Variants in ALKBH3 observed in about 807,000 individuals in gnomAD.
ALKBH3 encodes the protein alkB homolog 3, alpha-ketoglutarate dependent dioxygenase, also known as alpha-ketoglutarate-dependent dioxygenase alkB homolog 3.
Under a neutral mutation model 43.9 loss-of-function variants are expected in ALKBH3, and 51 were observed. The ratio of observed to expected loss-of-function variants is 1.16; its 90% CI spans 0.93 to 1.47. The LOEUF (loss-of-function observed/expected upper bound fraction) is 1.47. ALKBH3 is among the 40% of genes most tolerant of loss of function. ALKBH3 has a pLI of 0.00. For missense variants in ALKBH3, 361 were observed against 351.9 expected (o/e 1.03, Z -0.21); for synonymous variants, 102 against 115.2 (o/e 0.89, Z 0.73).
At position 43,919,137 on chromosome 11, in the gene ALKBH3, G is replaced by A. The variant is rs779801697; in HGVS notation, c.768+1G>A. 1.2e-6 allele frequency: 2 copies of A among 1,607,760 alleles called. No homozygotes were observed. The highest frequency in any genetic ancestry group is 8.5e-7 in the Non-Finnish European group (1 of 1,174,400). On this transcript the variant is annotated splice_donor_variant, in intron 9 of 9. Coordinates refer to ENST00000302708, the MANE Select transcript of ALKBH3 (RefSeq NM_139178.4). LOFTEE classifies it high-confidence loss of function. ...AGGAGCGACACAAGCTGACTGGCAG[G>A]TGAGGATCTGCAAGTAATATGAATC... is the stretch of plus-strand genomic sequence containing the variant.
At chr11:43,885,136 G>A (rs1351159800) in intron 4 of ALKBH3, among the ~76,000 whole-genome samples, 1 of 152,138 alleles carries the variant, frequency 6.6e-6, no homozygotes, top group African/African-American at 2.4e-5. Context: ...CATGTTGTAA[G>A]CTACAGATGT....
intron 4 of ALKBH3, among the ~76,000 whole-genome samples, chr11:43,885,978 T>C (rs1951743700): frequency 6.6e-6 from 1 of 152,114 alleles, no homozygotes; most frequent in African/African-American, 2.4e-5. Context: ...TGGATTGGAT[T>C]GGGGATGCCG....
rs139948629 is a variant in ALKBH3 at position 43,906,745 on chromosome 11, A to G, written c.669+5020A>G. ...TAAGTAATAAAAAGAAATACTTGAAATCAATTGTTGATAGCCATGATCATT... is the reference window on the plus strand; with the variant it reads ...TAAGTAATAAAAAGAAATACTTGAAGTCAATTGTTGATAGCCATGATCATT... On this transcript the variant is annotated intron_variant, in intron 8 of 9. Coordinates refer to ENST00000302708, the MANE Select transcript of ALKBH3 (RefSeq NM_139178.4). 8.3e-3 allele frequency among the ~76,000 whole-genome samples: 1,266 copies of G among 152,330 alleles called. 10 individuals are homozygous for G. The highest frequency in any genetic ancestry group is 0.034 in the South Asian group (164 of 4,828).
intron 8 of ALKBH3, among the ~76,000 whole-genome samples, chr11:43,908,385 C>G (rs1481286563): frequency 6.6e-6 from 1 of 152,150 alleles, no homozygotes; most frequent in Non-Finnish European, 1.5e-5. Flanking sequence ...AATGAGTGTT[C>G]TGGTATTAAC....
At chr11:43,898,912 C>CAG (rs1346182689) in intron 7 of ALKBH3, 1 of 749,496 alleles carries the variant, frequency 1.3e-6, no homozygotes, top group Non-Finnish European at 2.5e-6. Flanking sequence ...TGCAAAGTGC[C>CAG]AGAGGGTGGA....
chr11:43,904,059 G>A, intron 8 of ALKBH3, among the ~76,000 whole-genome samples: 1 of 152,148 alleles, frequency 6.6e-6, no homozygotes, highest in East Asian at 1.9e-4. Flanking sequence ...TTGGAACAGC[G>A]CTTTATCCTG....
At chr11:43,902,450 C>G (rs368472237) in intron 8 of ALKBH3, among the ~76,000 whole-genome samples, 2 of 152,322 alleles carry the variant, frequency 1.3e-5, no homozygotes, top group African/African-American at 4.8e-5. Context: ...TCCCTTACGA[C>G]TAAGAAAGAT....
At chr11:43,885,376 C>G (rs960476875) in intron 4 of ALKBH3, among the ~76,000 whole-genome samples, 2 of 152,170 alleles carry the variant, frequency 1.3e-5, no homozygotes, top group Non-Finnish European at 2.9e-5. Flanking sequence ...ACATTATAGA[C>G]GATGCATGTA....
chr11:43,884,624 A>G (rs1951735292), intron 4 of ALKBH3, among the ~76,000 whole-genome samples: 1 of 152,140 alleles, frequency 6.6e-6, no homozygotes, highest in South Asian at 2.1e-4. Flanking sequence ...CTATTCTTTT[A>G]TCTTAGCAAA....
chr11:43,920,124 G>A lies in ALKBH3; in HGVS notation c.*114G>A, dbSNP rs1952015416. On this transcript the variant is annotated 3_prime_UTR_variant, in exon 10 of 10. Coordinates refer to ENST00000302708, the MANE Select transcript of ALKBH3 (RefSeq NM_139178.4). ...ATGATGTGGCTGTTGGGAAGATGGT[G>A]GGGTTTGTTTGCCAGCTTGGAGTCC... The A allele has an allele frequency of 9.6e-7, 1 of 1,045,874 alleles. No homozygotes were observed. Among genetic ancestry groups the A allele is most frequent in the Non-Finnish European group, 1.4e-6 (1 of 704,750 alleles). The allele number at this position is 1,045,874 out of a possible 1,614,324, so 64.8% of individuals were successfully genotyped here.
At chr11:43,909,835 G>A (rs1192524328) in intron 8 of ALKBH3, 1 of 152,132 alleles carries the variant, frequency 6.6e-6, no homozygotes, top group Non-Finnish European at 1.5e-5. Context: ...TCTTGTTTTT[G>A]AAGCACAGAT....
chr11:43,889,271 C>T (rs1210238158), intron 5 of ALKBH3, among the ~76,000 whole-genome samples: 5 of 152,128 alleles, frequency 3.3e-5, no homozygotes, highest in Non-Finnish European at 5.9e-5. Flanking sequence ...GTGATCCACC[C>T]GCTTGAGCCT....
rs371882756 is a variant in ALKBH3 at position 43,913,551 on chromosome 11, A to G, written c.670-5487A>G. ...TACAATCAGTTGCTAACTAAAAGCA[A>G]TTGTACGTGTATTTGATATTTCCCC... is the stretch of plus-strand genomic sequence containing the variant. On this transcript the variant is annotated intron_variant, in intron 8 of 9. Transcript: ENST00000302708. 2.0e-4 allele frequency among the ~76,000 whole-genome samples: 31 copies of G among 152,332 alleles called. No individual in the cohort carries two copies. The East Asian group carries it at 3.1e-3, about 15-fold the overall frequency.
rs2434478 is a variant in ALKBH3 at position 43,889,815 on chromosome 11, T to C, written c.357T>C (p.Thr119=). 1,612,691 of 1,613,608 alleles carry C rather than the reference T, an allele frequency of 1. 805,892 individuals are homozygous for C. The highest frequency in any genetic ancestry group is 1 in the East Asian group (44,864 of 44,864). Residue 119 remains threonine (T), a synonymous_variant, in exon 6 of 10, where the codon ACT becomes ACC. Coordinates refer to ENST00000302708, the MANE Select transcript of ALKBH3 (RefSeq NM_139178.4). ...LCQDVPWKQR[T]GIREDITYQQ... Reference sequence around the variant, plus strand: ...AAGATGTTCCCTGGAAACAGAGGACTGGCATCAGAGAGGGTAAGTAGATCC... The same window carrying C: ...AAGATGTTCCCTGGAAACAGAGGACCGGCATCAGAGAGGGTAAGTAGATCC...
chr11:43,900,215 A>AATTTTTTTTTTTTTTTTTTTTTTTTTTTT lies in ALKBH3; in HGVS notation c.460-1301_460-1300insATTTTTTTTTTTTTTTTTTTTTTTTTTTT, dbSNP rs1554976906. Among the ~76,000 whole-genome samples, 3 of 87,150 alleles carry AATTTTTTTTTTTTTTTTTTTTTTTTTTTT rather than the reference A, an allele frequency of 3.4e-5. 1 individual carries two copies. Among genetic ancestry groups the AATTTTTTTTTTTTTTTTTTTTTTTTTTTT allele is most frequent in the Admixed American group, 2.8e-4 (2 of 7,112 alleles). 57.2% of individuals were successfully genotyped at this position (87,150 alleles called of 152,430 possible). ...ATTGCATTTTTTTTATTTTAATTTA[A>AATTTTTTTTTTTTTTTTTTTTTTTTTTTT]TTTTTTTTTTTTTTTTTTTTTTTTT... On this transcript the variant is annotated intron_variant, in intron 7 of 9. Coordinates refer to ENST00000302708, the MANE Select transcript of ALKBH3 (RefSeq NM_139178.4).
chr11:43,918,635 A>G (rs1952002247), intron 8 of ALKBH3, among the ~76,000 whole-genome samples: 1 of 152,236 alleles, frequency 6.6e-6, no homozygotes, highest in Non-Finnish European at 1.5e-5. Context: ...AATGTAGAGC[A>G]CAACATCAGT....
chr11:43,894,781 G>A (rs1951806819), intron 7 of ALKBH3, among the ~76,000 whole-genome samples: 2 of 152,182 alleles, frequency 1.3e-5, no homozygotes, highest in Admixed American at 6.6e-5. Flanking sequence ...ACAGCCTGCT[G>A]ACATTATTAT....
intron 5 of ALKBH3, 26 bp downstream of exon 5, chr11:43,886,679 C>T: frequency 1.9e-6 from 3 of 1,606,954 alleles, no homozygotes; most frequent in South Asian, 1.1e-5. Flanking sequence ...CAAGAAGTGA[C>T]CGTAATTATC....
chr11:43,906,897 TG>T (rs1565128295), intron 8 of ALKBH3, among the ~76,000 whole-genome samples: 1 of 152,218 alleles, frequency 6.6e-6, no homozygotes, highest in Non-Finnish European at 1.5e-5. Context: ...GATTGATAAT[TG>T]GTAGCTACTT....
Sources: gnomAD v4.1 joint callset for allele counts (sites outside exome capture counted in the v4.1 genomes callset) on GRCh38, gnomAD v4.1.1 for gene constraint, MANE v1.5 for transcripts, NCBI Gene and HGNC (gene_info 2026-07-23, HGNC 2026-07-21) for gene names.